The following TERF2IP variants were observed in gnomAD, a reference collection of about 807,000 sequenced individuals.
TERF2IP encodes TERF2 interacting protein, also known as telomeric repeat-binding factor 2-interacting protein 1.
Under a neutral mutation model 33.3 loss-of-function variants are expected in TERF2IP, and 35 were observed. That is an observed-to-expected ratio of 1.05 (90% CI 0.80 to 1.39). The LOEUF (loss-of-function observed/expected upper bound fraction) is 1.39, where lower values mean the gene tolerates loss of function less well. TERF2IP is among the 40% of genes most tolerant of loss of function. The probability of loss-of-function intolerance (pLI) is 0.00; values close to 1 mark genes in which losing one functional copy is unlikely to be tolerated. For missense variants in TERF2IP, 583 were observed against 524.8 expected (o/e 1.11, Z -1.08); for synonymous variants, 253 against 223.2 (o/e 1.13, Z -1.19).
Position 75,647,800 on chromosome 16 carries a change from T to A in TERF2IP, c.-83T>A. On this transcript the variant is annotated 5_prime_UTR_variant, in exon 1 of 3. Coordinates refer to ENST00000300086, the MANE Select transcript of TERF2IP (RefSeq NM_018975.4). ...TGCTGCGCTTCGCGGCAGAGGCGTC[T>A]GCGGTGACAGCTCAGTCAGTTGAGC... 1 of 1,592,200 alleles carries A rather than the reference T, an allele frequency of 6.3e-7. No homozygotes were observed. The highest frequency in any genetic ancestry group is 8.6e-7 in the Non-Finnish European group (1 of 1,163,212).
intron 1 of TERF2IP, among the ~76,000 whole-genome samples, 177 bp from the exon 2 acceptor site, chr16:75,654,096 C>T (rs1033153515): frequency 7.0e-6 from 1 of 142,700 alleles, no homozygotes; most frequent in Admixed American, 7.3e-5. Flanking sequence ...TGAATGAGCA[C>T]GTCCTAGGCT....
In TERF2IP at chr16:75,657,008, T is replaced by G. The variant is rs111634375; in HGVS notation, c.*397T>G. The G allele has an allele frequency of 6.1e-6, 1 of 162,700 alleles. No individual in the cohort carries two copies. Among genetic ancestry groups the G allele is most frequent in the African/African-American group, 2.4e-5 (1 of 41,736 alleles). 10.1% of individuals were successfully genotyped at this position (162,700 alleles called of 1,614,324 possible). Reference sequence around the variant, plus strand: ...CTCCTGTCCTTTGGCAGAAGCTCCTTTAGATTGGGATAGATTCCAAATAAA... The same window carrying G: ...CTCCTGTCCTTTGGCAGAAGCTCCTGTAGATTGGGATAGATTCCAAATAAA... On this transcript the variant is annotated 3_prime_UTR_variant, in exon 3 of 3. Transcript: ENST00000300086.
At position 75,656,616 on chromosome 16, in the gene TERF2IP, C is replaced by G; in HGVS notation, c.*5C>G. 6.3e-7 allele frequency: 1 copy of G among 1,583,946 alleles called. No homozygotes were observed. The highest frequency in any genetic ancestry group is 1.7e-4 in the Middle Eastern group (1 of 5,716). ...ATTGAATTTCGAAAGAAATAATTGG[C>G]AAGATAATGAGAAAAGAAAAAAGTC... is the stretch of plus-strand genomic sequence containing the variant. On this transcript the variant is annotated 3_prime_UTR_variant, in exon 3 of 3. Coordinates refer to ENST00000300086, the MANE Select transcript of TERF2IP (RefSeq NM_018975.4).
intron 1 of TERF2IP, 46 bp downstream of exon 1, chr16:75,648,598 G>T: frequency 2.0e-6 from 3 of 1,471,024 alleles, no homozygotes; most frequent in Non-Finnish European, 2.7e-6. Context: ...GCGCGGGTGG[G>T]GTTGGGATCT....
chr16:75,651,128 A>G (rs1465652746), intron 1 of TERF2IP, among the ~76,000 whole-genome samples: 1 of 152,174 alleles, frequency 6.6e-6, no homozygotes, highest in African/African-American at 2.4e-5. Context: ...AAAGACAAAG[A>G]AAAAGTTTTA....
Position 75,648,563 on chromosome 16 carries a change from T to A in TERF2IP, c.670+11T>A, listed in dbSNP as rs916509160. On this transcript the variant is annotated intron_variant, in intron 1 of 2. Coordinates refer to ENST00000300086, the MANE Select transcript of TERF2IP (RefSeq NM_018975.4). ...CCGCGGATAGCGGGGGTGAGGAGGCTGAGCGCGGGGCCTCGCGGATATCTG... is the reference window on the plus strand; with the variant it reads ...CCGCGGATAGCGGGGGTGAGGAGGCAGAGCGCGGGGCCTCGCGGATATCTG... The A allele has an allele frequency of 3.9e-6, 6 of 1,531,582 alleles. No individual in the cohort carries two copies. The highest frequency in any genetic ancestry group is 1.4e-5 in the African/African-American group (1 of 73,498). 94.9% of individuals were successfully genotyped at this position (1,531,582 alleles called of 1,614,324 possible).
At chr16:75,649,475 C>T (rs1335582945) in intron 1 of TERF2IP, among the ~76,000 whole-genome samples, 3 of 150,766 alleles carry the variant, frequency 2.0e-5, no homozygotes, top group Non-Finnish European at 4.4e-5. Flanking sequence ...ACCCGGGGGG[C>T]GGAGGTTGCA....
intron 1 of TERF2IP, 100 bp from the exon 2 acceptor site, chr16:75,654,173 A>T: frequency 1.6e-4 from 115 of 716,186 alleles, no homozygotes; most frequent in Non-Finnish European, 2.0e-4. Context: ...AAAAAAAAAA[A>T]GTGCAGGCTC....
rs767350619 is a variant in TERF2IP at position 75,647,970 on chromosome 16, TC to T, written c.90del (p.Phe31SerfsTer112). 6.2e-7 allele frequency: 1 copy of T among 1,613,762 alleles called. No individual in the cohort carries two copies. Among genetic ancestry groups the T allele is most frequent in the African/African-American group, 1.3e-5 (1 of 75,044 alleles). On this transcript the variant is annotated frameshift_variant, in exon 1 of 3. Coordinates refer to ENST00000300086, the MANE Select transcript of TERF2IP (RefSeq NM_018975.4). LOFTEE classifies it high-confidence loss of function. Reference sequence around the variant, plus strand: ...CGTGAGGGACGACGGCAGCTCCATGTCCTTCTACGTGCGGCCCAGCCCGGCC... The same window carrying T: ...CGTGAGGGACGACGGCAGCTCCATGTCTTCTACGTGCGGCCCAGCCCGGCC... ...LFVRDDGSSM[S>X]FYVRPSPAKR...
At chr16:75,653,722 G>C (rs536065578) in intron 1 of TERF2IP, among the ~76,000 whole-genome samples, 20 of 152,284 alleles carry the variant, frequency 1.3e-4, no homozygotes, top group Non-Finnish European at 2.4e-4. Context: ...TATTTGCAGA[G>C]TTACAAAGTC....
chr16:75,648,295 A>T lies in TERF2IP; in HGVS notation c.413A>T (p.Asp138Val). Residue 138 changes from aspartate to valine, a missense_variant, in exon 1 of 3, where the codon GAT (aspartate) becomes GTT (valine). Coordinates refer to ENST00000300086, the MANE Select transcript of TERF2IP (RefSeq NM_018975.4). ...CACGCCGGGCGGATCGCCTTCACGGATGCGGACGACGTAGCCATCCTTACC... is the reference window on the plus strand; with the variant it reads ...CACGCCGGGCGGATCGCCTTCACGGTTGCGGACGACGTAGCCATCCTTACC... ...QRHAGRIAFT[D>V]ADDVAILTYV... The T allele has an allele frequency of 1.9e-6, 3 of 1,553,800 alleles. No homozygotes were observed. Among genetic ancestry groups the T allele is most frequent in the Non-Finnish European group, 2.6e-6 (3 of 1,148,370 alleles).
In TERF2IP at chr16:75,656,948, A is replaced by C; in HGVS notation, c.*337A>C. On this transcript the variant is annotated 3_prime_UTR_variant, in exon 3 of 3. Transcript: ENST00000300086. ...GTAGTGACAAAGTGAAAGGAAATTT[A>C]GGAGGCATAGGCCATTTCAGGCAGC... is the stretch of plus-strand genomic sequence containing the variant. 1 of 207,218 alleles carries C rather than the reference A, an allele frequency of 4.8e-6. No individual in the cohort carries two copies. The highest frequency in any genetic ancestry group is 5.4e-5 in the Admixed American group (1 of 18,488). The allele number at this position is 207,218 out of a possible 1,614,324, so 12.8% of individuals were successfully genotyped here.
chr16:75,648,115 T>A lies in TERF2IP; in HGVS notation c.233T>A (p.Phe78Tyr). ...GEALAEASGD[F>Y]ISTQYILDCV... Reference sequence around the variant, plus strand: ...GCGCTGGCCGAGGCCTCGGGTGATTTCATCTCCACGCAGTACATCCTGGAC... The same window carrying A: ...GCGCTGGCCGAGGCCTCGGGTGATTACATCTCCACGCAGTACATCCTGGAC... Residue 78 changes from phenylalanine to tyrosine, a missense_variant, in exon 1 of 3, where the codon TTC (phenylalanine) becomes TAC (tyrosine). Coordinates refer to ENST00000300086, the MANE Select transcript of TERF2IP (RefSeq NM_018975.4). The A allele has an allele frequency of 6.4e-7, 1 of 1,558,304 alleles. No homozygotes were observed. Among genetic ancestry groups the A allele is most frequent in the South Asian group, 1.2e-5 (1 of 86,448 alleles).
intron 1 of TERF2IP, among the ~76,000 whole-genome samples, chr16:75,651,171 C>T (rs1000400061): frequency 3.3e-5 from 5 of 152,062 alleles, no homozygotes; most frequent in African/African-American, 9.7e-5. Flanking sequence ...AAGAACTTCT[C>T]ATGATAAATA....
intron 1 of TERF2IP, among the ~76,000 whole-genome samples, chr16:75,651,196 G>T (rs971372121): frequency 6.6e-6 from 1 of 152,118 alleles, no homozygotes; most frequent in African/African-American, 2.4e-5. Flanking sequence ...CAGAGGGCAT[G>T]CTGGAAAAAC....
Position 75,648,271 on chromosome 16 carries a change from A to T in TERF2IP, c.389A>T (p.His130Leu), listed in dbSNP as rs955076032. The part of the protein sequence containing the change: ...EGAAEPEPQR[H>L]AGRIAFTDAD... ...GCCGCGGAGCCGGAGCCGCAGCGGCACGCCGGGCGGATCGCCTTCACGGAT... is the reference window on the plus strand; with the variant it reads ...GCCGCGGAGCCGGAGCCGCAGCGGCTCGCCGGGCGGATCGCCTTCACGGAT... Residue 130 changes from histidine to leucine, a missense_variant, in exon 1 of 3, where the codon CAC becomes CTC. Transcript: ENST00000300086. 12 of 1,549,060 alleles carry T rather than the reference A, an allele frequency of 7.7e-6. No individual in the cohort carries two copies. The highest frequency in any genetic ancestry group is 2.0e-5 in the Admixed American group (1 of 50,896).
chr16:75,652,483 A>G (rs2082354722), intron 1 of TERF2IP, among the ~76,000 whole-genome samples: 1 of 152,194 alleles, frequency 6.6e-6, no homozygotes, highest in Non-Finnish European at 1.5e-5. Flanking sequence ...CCTTCACCTG[A>G]TTTTAGTTCA....
intron 1 of TERF2IP, among the ~76,000 whole-genome samples, chr16:75,649,257 C>G (rs1033711952): frequency 1.3e-5 from 2 of 152,202 alleles, no homozygotes; most frequent in Non-Finnish European, 2.9e-5. Flanking sequence ...AGAAAATTCT[C>G]TCTTGGCCGG....
chr16:75,650,710 A>AT (rs1392014682), intron 1 of TERF2IP, among the ~76,000 whole-genome samples: 4 of 151,876 alleles, frequency 2.6e-5, no homozygotes, highest in Admixed American at 2.0e-4. Flanking sequence ...TAATTTTTGT[A>AT]TTTTTTTGTA....
Sources: gnomAD v4.1 joint callset for allele counts (sites outside exome capture counted in the v4.1 genomes callset) on GRCh38, gnomAD v4.1.1 for gene constraint, MANE v1.5 for transcripts, NCBI Gene and HGNC (gene_info 2026-07-23, HGNC 2026-07-21) for gene names.